The following EHBP1 variants were observed in gnomAD, a reference collection of about 807,000 sequenced individuals.
The protein encoded by EHBP1 is EH domain-binding protein 1.
EHBP1 carries 55 observed loss-of-function variants against 144.0 expected under a neutral mutation model. The observed-to-expected ratio is 0.38, with a 90% confidence interval of 0.31 to 0.48. EHBP1 has a LOEUF of 0.48. Among genes scored for constraint, EHBP1 ranks in the 20% least tolerant of loss-of-function variants. The pLI is 0.98. For synonymous variants in EHBP1, 469 were observed against 472.7 expected, an observed-to-expected ratio of 0.99 and a Z score of 0.10; for missense variants, 1,200 against 1,364.2, an observed-to-expected ratio of 0.88 and a Z score of 1.90.
intron 3 of EHBP1, among the ~76,000 whole-genome samples, chr2:62,758,439 C>A (rs2040488599): frequency 6.6e-6 from 1 of 152,152 alleles, no homozygotes; most frequent in Admixed American, 6.5e-5. Context: ...AGAATAATTA[C>A]CCTGAGTAGT....
chr2:62,682,989 G>GA (rs1244314921), intron 1 of EHBP1, among the ~76,000 whole-genome samples: 3 of 151,934 alleles, frequency 2.0e-5, no homozygotes, highest in Non-Finnish European at 2.9e-5. Flanking sequence ...AAGGCCAGAA[G>GA]AAAAAAATGG....
chr2:63,004,866 T>C (rs1401878236), intron 19 of EHBP1, among the ~76,000 whole-genome samples: 1 of 152,136 alleles, frequency 6.6e-6, no homozygotes, highest in African/African-American at 2.4e-5. Context: ...AGTTTGTAAA[T>C]TCTCTGTTCC....
chr2:62,820,225 G>GAAAAAAAAAAAAAAAAAAAAAAAAAAAA (rs372533264), intron 5 of EHBP1, among the ~76,000 whole-genome samples: 1 of 100,668 alleles, frequency 9.9e-6, no homozygotes, highest in Non-Finnish European at 2.0e-5. Flanking sequence ...AAAAAAAAAA[G>GAAAAAAAAAAAAAAAAAAAAAAAAAAAA]AAAAAAAAAA....
In EHBP1 at chr2:62,984,309, C is replaced by T. The variant is rs73937318; in HGVS notation, c.2608+4974C>T. ...TATAAGACTGGCCTTATTGACCACA[C>T]GGTTGGGTTATCTATTTTACTTATA... On this transcript the variant is annotated intron_variant, in intron 15 of 22. Coordinates refer to ENST00000431489, the MANE Select transcript of EHBP1 (RefSeq NM_001142616.3). 9.2e-3 allele frequency among the ~76,000 whole-genome samples: 1,401 copies of T among 152,250 alleles called. 19 individuals carry two copies. Among genetic ancestry groups the T allele is most frequent in the African/African-American group, 0.032 (1,312 of 41,532 alleles).
intron 7 of EHBP1, among the ~76,000 whole-genome samples, chr2:62,836,405 A>C (rs1215776248): frequency 1.5e-5 from 2 of 136,376 alleles, no homozygotes; most frequent in Admixed American, 1.5e-4. Flanking sequence ...AACAGAACAG[A>C]AAAACTGGAA....
intron 14 of EHBP1, among the ~76,000 whole-genome samples, chr2:62,970,485 A>G (rs749903655): frequency 1.3e-5 from 2 of 152,152 alleles, no homozygotes; most frequent in Non-Finnish European, 2.9e-5. Context: ...ATTGTTTGAA[A>G]TAATATGTTT....
intron 5 of EHBP1, among the ~76,000 whole-genome samples, chr2:62,815,970 T>C (rs569433814): frequency 6.6e-6 from 1 of 152,284 alleles, no homozygotes; most frequent in South Asian, 2.1e-4. Context: ...AATGTAACAG[T>C]TTAAGAAGTT....
At chr2:62,927,331 T>C (rs2153028480) in intron 10 of EHBP1, among the ~76,000 whole-genome samples, 1 of 152,216 alleles carries the variant, frequency 6.6e-6, no homozygotes, top group South Asian at 2.1e-4. Context: ...TATAGCTACT[T>C]AAAGCTATAT....
At chr2:62,706,511 A>T (rs1054662937) in intron 1 of EHBP1, 2 of 152,214 alleles carry the variant, frequency 1.3e-5, no homozygotes, top group African/African-American at 2.4e-5. Flanking sequence ...TCGACTGAAA[A>T]ACAAAGTTTA....
At position 62,889,959 on chromosome 2, in the gene EHBP1, A is replaced by ATT. The variant is rs1161025322; in HGVS notation, c.1185+15446_1185+15447dup. ...TAGGCTCTTTTTTTATTCCATATGA[A>ATT]TTTTTTTTTTTTTTTTTTTTGAGAT... On this transcript the variant is annotated intron_variant, in intron 10 of 22. Transcript: ENST00000431489. Among the ~76,000 whole-genome samples, 459 of 129,428 alleles carry ATT rather than the reference A, an allele frequency of 3.5e-3. 7 individuals are homozygous for ATT. Among genetic ancestry groups the ATT allele is most frequent in the African/African-American group, 0.012 (411 of 34,156 alleles). 84.9% of individuals were successfully genotyped at this position (129,428 alleles called of 152,430 possible).
rs775512904 is a variant in EHBP1, at chr2:62,948,860, A to G, written c.2014A>G (p.Lys672Glu). The stretch of plus-strand genomic sequence containing the variant: ...TGACTTATATGTTAGTGATAAGAAG[A>G]AGGATATGTCTCCACCCTTTATTTG... ...LSDLYVSDKK[K>E]DMSPPFICEE... Residue 672 changes from lysine (K) to glutamate (E), a missense_variant, in exon 13 of 23, where the codon AAG (lysine) becomes GAG (glutamate). By Grantham distance (56) the Lys-to-Glu change is moderately conservative. Around this residue, in one of 6 missense-constraint regions of EHBP1, gnomAD observed 543 missense variants for 513.1 expected, o/e 1.06. Coordinates refer to ENST00000431489, the MANE Select transcript of EHBP1 (RefSeq NM_001142616.3). The G allele has an allele frequency of 8.7e-6, 14 of 1,614,104 alleles. 1 individual carries two copies. The South Asian group carries it at 1.5e-4, about 18-fold the overall frequency.
intron 21 of EHBP1, among the ~76,000 whole-genome samples, chr2:63,043,475 ATATG>A (rs1196527825): frequency 2.6e-5 from 4 of 152,216 alleles, no homozygotes; most frequent in South Asian, 2.1e-4. Flanking sequence ...TTTCATATAA[ATATG>A]TATGTATGTG....
At chr2:62,919,213 A>G (rs779064077) in intron 10 of EHBP1, among the ~76,000 whole-genome samples, 1 of 152,210 alleles carries the variant, frequency 6.6e-6, no homozygotes, top group Admixed American at 6.5e-5. Context: ...TTGTTGCTGT[A>G]CTTCCCTCTT....
chr2:62,941,739 G>A (rs141277933), intron 10 of EHBP1, among the ~76,000 whole-genome samples: 1 of 152,104 alleles, frequency 6.6e-6, no homozygotes, highest in African/African-American at 2.4e-5. Flanking sequence ...TTTTACTTTA[G>A]AGGGCCTGTA....
At position 62,862,399 on chromosome 2, in the gene EHBP1, A is replaced by G. The variant is rs190333340; in HGVS notation, c.758-2332A>G. On this transcript the variant is annotated intron_variant, in intron 8 of 22. Coordinates refer to ENST00000431489, the MANE Select transcript of EHBP1 (RefSeq NM_001142616.3). The stretch of plus-strand genomic sequence containing the variant: ...TGAGGCGGGCAGATCACCTGAGGTC[A>G]GGAGTTCAAGACCAGCCTGGCCAAC... Among the ~76,000 whole-genome samples the G allele has an allele frequency of 3.1e-4, 47 of 152,284 alleles. No individual in the cohort carries two copies. The East Asian group carries it at 8.7e-3, about 28-fold the overall frequency.
chr2:62,741,147 C>T (rs1227329035), intron 2 of EHBP1, among the ~76,000 whole-genome samples: 1 of 152,016 alleles, frequency 6.6e-6, no homozygotes, highest in Non-Finnish European at 1.5e-5. Context: ...GAATCCTGTC[C>T]ATTTAGATAG....
At chr2:62,984,676 AAAAG>A in intron 15 of EHBP1, among the ~76,000 whole-genome samples, 1 of 152,242 alleles carries the variant, frequency 6.6e-6, no homozygotes, top group East Asian at 1.9e-4. Flanking sequence ...TCAATGAATC[AAAAG>A]AAAGTAGAAA....
intron 14 of EHBP1, among the ~76,000 whole-genome samples, chr2:62,968,779 G>A (rs2058361245): frequency 6.6e-6 from 1 of 152,152 alleles, no homozygotes; most frequent in Admixed American, 6.5e-5. Context: ...TAATCAGCCT[G>A]TCATGACAAA....
intron 10 of EHBP1, among the ~76,000 whole-genome samples, chr2:62,881,201 G>A (rs1364960118): frequency 2.0e-5 from 3 of 151,972 alleles, no homozygotes; most frequent in Non-Finnish European, 4.4e-5. Context: ...AAGTACACAT[G>A]GACACAAAGA....
Sources: gnomAD v4.1 joint callset for allele counts (sites outside exome capture counted in the v4.1 genomes callset) on GRCh38, gnomAD v4.1.1 for gene constraint, gnomAD v4.1.1 regional missense constraint, MANE v1.5 for transcripts, NCBI Gene and HGNC (gene_info 2026-07-23, HGNC 2026-07-21) for gene names.